SHISA6: variants seen among roughly 807,000 people sequenced by gnomAD.
SHISA6 encodes the protein protein shisa-6.
SHISA6 carries 22 observed loss-of-function variants against 47.9 expected under a neutral mutation model. The ratio of observed to expected loss-of-function variants is 0.46; its 90% CI spans 0.33 to 0.66. The LOEUF is 0.66. Ranked by LOEUF, SHISA6 falls within the 30% of genes least tolerant of loss-of-function variation. The pLI is 0.02. For missense variants in SHISA6, 680 were observed against 764.6 expected, an observed-to-expected ratio of 0.89 and a Z score of 1.30; for synonymous variants, 388 against 337.8, an observed-to-expected ratio of 1.15 and a Z score of -1.63.
intron 3 of SHISA6, among the ~76,000 whole-genome samples, chr17:11,416,112 A>G (rs552085291): frequency 5.3e-5 from 8 of 152,202 alleles, no homozygotes; most frequent in African/African-American, 1.9e-4. Flanking sequence ...TGACTTAATT[A>G]TGTCTCAAAG....
chr17:11,294,292 A>G (rs1909662303), intron 2 of SHISA6, among the ~76,000 whole-genome samples: 1 of 152,060 alleles, frequency 6.6e-6, no homozygotes. Flanking sequence ...TCTTCCATAC[A>G]TTTCTCCAGC....
intron 3 of SHISA6, among the ~76,000 whole-genome samples, chr17:11,424,291 C>T (rs953589850): frequency 6.6e-6 from 1 of 152,150 alleles, no homozygotes; most frequent in Non-Finnish European, 1.5e-5. Flanking sequence ...GACTTCTCAA[C>T]ATACACGATA....
intron 2 of SHISA6, among the ~76,000 whole-genome samples, chr17:11,313,125 C>G (rs1193462122): frequency 6.6e-6 from 1 of 152,164 alleles, no homozygotes; most frequent in Non-Finnish European, 1.5e-5. Flanking sequence ...TCCTAGCACA[C>G]CACTTCAAAA....
intron 3 of SHISA6, among the ~76,000 whole-genome samples, chr17:11,526,278 C>A (rs912781320): frequency 5.3e-5 from 8 of 152,156 alleles, no homozygotes; most frequent in African/African-American, 1.9e-4. Context: ...CATTCCTGGG[C>A]AGTGCAAATC....
intron 3 of SHISA6, among the ~76,000 whole-genome samples, chr17:11,520,403 T>C (rs2071619988): frequency 6.6e-6 from 1 of 152,186 alleles, no homozygotes; most frequent in Admixed American, 6.5e-5. Flanking sequence ...CTTAGATCCA[T>C]CCACTTTTCT....
intron 1 of SHISA6, among the ~76,000 whole-genome samples, chr17:11,262,730 C>T (rs1334717038): frequency 6.6e-6 from 1 of 152,228 alleles, no homozygotes; most frequent in East Asian, 1.9e-4. Context: ...GCCTGTCTCT[C>T]TTTCTTCCTG....
chr17:11,248,480 A>G (rs1399509314), intron 1 of SHISA6, among the ~76,000 whole-genome samples: 1 of 152,134 alleles, frequency 6.6e-6, no homozygotes, highest in Non-Finnish European at 1.5e-5. Flanking sequence ...ATCTCATTCA[A>G]TGAAAATATA....
intron 3 of SHISA6, among the ~76,000 whole-genome samples, chr17:11,524,189 C>G (rs2071656216): frequency 6.6e-6 from 1 of 152,100 alleles, no homozygotes; most frequent in Non-Finnish European, 1.5e-5. Context: ...GGCCCCGAAA[C>G]TACTGAGAAA....
chr17:11,320,616 C>G (rs957602349), intron 2 of SHISA6, among the ~76,000 whole-genome samples: 1 of 151,522 alleles, frequency 6.6e-6, no homozygotes, highest in Non-Finnish European at 1.5e-5. Context: ...CAAAATTGTG[C>G]CATTGCACTC....
At chr17:11,400,898 C>G (rs1405664899) in intron 3 of SHISA6, among the ~76,000 whole-genome samples, 1 of 152,214 alleles carries the variant, frequency 6.6e-6, no homozygotes, top group Non-Finnish European at 1.5e-5. Flanking sequence ...CTATACAAGT[C>G]TTGCATTTTT....
chr17:11,396,125 T>C (rs1449102987), intron 3 of SHISA6, among the ~76,000 whole-genome samples: 1 of 152,222 alleles, frequency 6.6e-6, no homozygotes, highest in African/African-American at 2.4e-5. Flanking sequence ...AAAAGCTTTT[T>C]CAGCATCTGT....
intron 2 of SHISA6, among the ~76,000 whole-genome samples, chr17:11,308,081 G>A (rs1910189985): frequency 6.6e-6 from 1 of 152,180 alleles, no homozygotes; most frequent in Non-Finnish European, 1.5e-5. Context: ...GGAGGTTGAT[G>A]CCCAGGTCAC....
chr17:11,253,005 T>TA (rs1282816875), intron 1 of SHISA6, among the ~76,000 whole-genome samples: 2 of 152,246 alleles, frequency 1.3e-5, no homozygotes, highest in Non-Finnish European at 2.9e-5. Context: ...GCCAGCTTCT[T>TA]ACCCAGCCTC....
Position 11,411,177 on chromosome 17 carries a change from C to G in SHISA6, c.895+31668C>G, listed in dbSNP as rs570096265. On this transcript the variant is annotated intron_variant, in intron 3 of 5. Transcript: ENST00000441885. The stretch of plus-strand genomic sequence containing the variant: ...TAGAGACAGGGTTTCACCCTGTTAG[C>G]CCGGTTGGTCTCGATCTCGTGACCT... Among the ~76,000 whole-genome samples the G allele has an allele frequency of 2.0e-5, 3 of 151,986 alleles. No homozygotes were observed. The South Asian group carries it at 6.2e-4, about 32-fold the overall frequency.
At chr17:11,316,197 C>CT (rs933272325) in intron 2 of SHISA6, among the ~76,000 whole-genome samples, 80 of 151,692 alleles carry the variant, frequency 5.3e-4, no homozygotes, top group African/African-American at 1.7e-3. Flanking sequence ...CACAGTAACT[C>CT]TTGTTACTTT....
chr17:11,499,071 C>A (rs950053525), intron 3 of SHISA6, among the ~76,000 whole-genome samples: 12 of 152,302 alleles, frequency 7.9e-5, no homozygotes, highest in Admixed American at 3.3e-4. Flanking sequence ...GCACCCTCAG[C>A]ACGTGGACTG....
At chr17:11,517,200 T>C (rs1214535628) in intron 3 of SHISA6, among the ~76,000 whole-genome samples, 1 of 152,122 alleles carries the variant, frequency 6.6e-6, no homozygotes, top group Non-Finnish European at 1.5e-5. Context: ...CTAAAGATGA[T>C]TTGAGGGTTT....
chr17:11,245,348 C>T (rs1206191416), intron 1 of SHISA6, among the ~76,000 whole-genome samples: 1 of 152,182 alleles, frequency 6.6e-6, no homozygotes, highest in Non-Finnish European at 1.5e-5. Context: ...CCAAACTGCC[C>T]GGGCTAAGGC....
chr17:11,528,489 A>G (rs1294482707), intron 3 of SHISA6, among the ~76,000 whole-genome samples: 1 of 152,234 alleles, frequency 6.6e-6, no homozygotes, highest in Non-Finnish European at 1.5e-5. Context: ...GCACTGCTAG[A>G]TAGTTAGATA....
Sources: gnomAD v4.1 joint callset for allele counts (sites outside exome capture counted in the v4.1 genomes callset) on GRCh38, gnomAD v4.1.1 for gene constraint, MANE v1.5 for transcripts, NCBI Gene and HGNC (gene_info 2026-07-23, HGNC 2026-07-21) for gene names.